WDR19: variants seen among roughly 807,000 people sequenced by gnomAD.
The protein encoded by WDR19 is WD repeat-containing protein 19.
Under a neutral mutation model 180.0 loss-of-function variants are expected in WDR19, and 121 were observed. The ratio of observed to expected loss-of-function variants is 0.67; its 90% CI spans 0.58 to 0.78. WDR19 has a LOEUF of 0.78. Among genes scored for constraint, WDR19 ranks in the 30% least tolerant of loss-of-function variants. The probability of loss-of-function intolerance (pLI) is 0.00; values close to 1 mark genes in which losing one functional copy is unlikely to be tolerated. For synonymous variants in WDR19, 497 were observed against 540.7 expected (o/e 0.92, Z 1.12); for missense variants, 1,450 against 1,640.7 (o/e 0.88, Z 2.01).
rs1727812705 is a variant in WDR19 at position 39,205,143 on chromosome 4, T to C, written c.604-11T>C. 6.4e-7 allele frequency: 1 copy of C among 1,559,214 alleles called. No homozygotes were observed. The highest frequency in any genetic ancestry group is 1.4e-5 in the African/African-American group (1 of 73,760). The stretch of plus-strand genomic sequence containing the variant: ...TAACTCATTTCACAATCTCCTAATC[T>C]TTTCTGGCAGATAAGTGTGGTGCTT... On this transcript the variant is annotated splice_polypyrimidine_tract_variant and intron_variant, in intron 7 of 36. Transcript: ENST00000399820.
chr4:39,199,661 C>A, intron 6 of WDR19, 68 bp downstream of exon 6: 1 of 1,273,560 alleles, frequency 7.9e-7, no homozygotes, highest in South Asian at 1.3e-5. Context: ...GTTTGTCTGT[C>A]AAACTAATCT....
intron 19 of WDR19, among the ~76,000 whole-genome samples, chr4:39,232,503 T>C (rs1488907630): frequency 2.0e-5 from 3 of 152,122 alleles, no homozygotes; most frequent in Non-Finnish European, 1.5e-5. Context: ...CATGTGCCTG[T>C]AATCCCAGCT....
At chr4:39,240,733 C>CCT (rs1300241882) in intron 21 of WDR19, among the ~76,000 whole-genome samples, 3 of 151,826 alleles carry the variant, frequency 2.0e-5, no homozygotes, top group African/African-American at 7.3e-5. Flanking sequence ...GGGCGGATCA[C>CCT]AAGGTCAGGA....
chr4:39,263,543 G>T (rs1734502265), intron 28 of WDR19, among the ~76,000 whole-genome samples: 1 of 151,960 alleles, frequency 6.6e-6, no homozygotes, highest in Non-Finnish European at 1.5e-5. Context: ...TCTATTCCCT[G>T]CTGGCTCTCC....
chr4:39,228,765 C>A, intron 17 of WDR19, 75 bp downstream of exon 17: 1 of 1,398,482 alleles, frequency 7.2e-7, no homozygotes, highest in Non-Finnish European at 9.5e-7. Flanking sequence ...TATAATTATT[C>A]TATCTTATTT....
At chr4:39,267,295 A>G (rs1734910671) in intron 29 of WDR19, among the ~76,000 whole-genome samples, 2 of 152,170 alleles carry the variant, frequency 1.3e-5, no homozygotes, top group Non-Finnish European at 2.9e-5. Flanking sequence ...CGAGGGCAAT[A>G]GAATGTCACA....
In WDR19 at chr4:39,278,551, T is replaced by G; in HGVS notation, c.3930T>G (p.Thr1310=). ...CTCCCCTAAACAGCATGCTAAACAC[T>G]GAAAGCACATGTCCTATGTGTTCAG... ...LYSELKIMLN[T]ESTCPMCSER... is the part of the protein sequence containing the mutation. The change falls in exon 36 of 37, where the codon ACT becomes ACG. Residue 1310 remains threonine, a synonymous_variant. Coordinates refer to ENST00000399820, the MANE Select transcript of WDR19 (RefSeq NM_025132.4). 6.2e-7 allele frequency: 1 copy of G among 1,612,398 alleles called. No individual in the cohort carries two copies. Among genetic ancestry groups the G allele is most frequent in the South Asian group, 1.1e-5 (1 of 90,862 alleles).
intron 30 of WDR19, among the ~76,000 whole-genome samples, 196 bp from the exon 31 acceptor site, chr4:39,269,780 G>T (rs1735164031): frequency 6.6e-6 from 1 of 152,150 alleles, no homozygotes; most frequent in Non-Finnish European, 1.5e-5. Context: ...CTCCAGCCTT[G>T]GTGACAGAGC....
chr4:39,202,647 A>G (rs1727484354), intron 6 of WDR19, among the ~76,000 whole-genome samples: 1 of 152,030 alleles, frequency 6.6e-6, no homozygotes, highest in Non-Finnish European at 1.5e-5. Context: ...CTAGGGTTCT[A>G]CCCTTCAGAT....
chr4:39,267,047 C>T (rs1734872295), intron 29 of WDR19, among the ~76,000 whole-genome samples: 1 of 152,234 alleles, frequency 6.6e-6, no homozygotes, highest in Non-Finnish European at 1.5e-5. Context: ...TGTGCCACTG[C>T]ACTCCAGCCT....
intron 30 of WDR19, among the ~76,000 whole-genome samples, chr4:39,268,945 A>G (rs1735071908): frequency 6.6e-6 from 1 of 152,134 alleles, no homozygotes; most frequent in African/African-American, 2.4e-5. Context: ...GGAGAGTTGG[A>G]GGATGGAGAC....
At chr4:39,272,130 C>T (rs1229634556) in intron 31 of WDR19, among the ~76,000 whole-genome samples, 2 of 152,156 alleles carry the variant, frequency 1.3e-5, no homozygotes, top group Admixed American at 6.5e-5. Flanking sequence ...AAGTCTTTCT[C>T]AGCTGCAGAC....
chr4:39,229,867 G>C (rs1013338665), intron 17 of WDR19, among the ~76,000 whole-genome samples: 8 of 151,980 alleles, frequency 5.3e-5, no homozygotes, highest in African/African-American at 1.9e-4. Context: ...ATTTCCACAG[G>C]CCCCTATTTT....
chr4:39,226,989 C>T (rs1475273046), intron 15 of WDR19, among the ~76,000 whole-genome samples: 4 of 152,096 alleles, frequency 2.6e-5, no homozygotes, highest in Non-Finnish European at 5.9e-5. Flanking sequence ...ACTTAATAAT[C>T]GCGATTCTGA....
At chr4:39,252,059 G>T (rs911594740) in intron 24 of WDR19, among the ~76,000 whole-genome samples, 29 of 152,044 alleles carry the variant, frequency 1.9e-4, no homozygotes, top group African/African-American at 6.3e-4. Context: ...ACATGCACAC[G>T]TATGTTTATT....
intron 24 of WDR19, among the ~76,000 whole-genome samples, chr4:39,252,654 A>T (rs1248527248): frequency 6.6e-6 from 1 of 152,164 alleles, no homozygotes; most frequent in East Asian, 1.9e-4. Flanking sequence ...AAGTAACCTT[A>T]GGAAATAGAG....
rs1297312397 is a variant in WDR19 at position 39,244,495 on chromosome 4, A to G, written c.2588A>G (p.Tyr863Cys). The change falls in exon 23 of 37, where the codon TAT (tyrosine) becomes TGT (cysteine). Residue 863 changes from tyrosine to cysteine, a missense_variant. Tyr to Cys is a radical substitution (Grantham distance 194, BLOSUM62 -2). Coordinates refer to ENST00000399820, the MANE Select transcript of WDR19 (RefSeq NM_025132.4). Reference sequence around the variant, plus strand: ...CAATTTTCAGAAGCGGCCCAACTGTATGAAAAAGGTCTCTACTACGATAAA... The same window carrying G: ...CAATTTTCAGAAGCGGCCCAACTGTGTGAAAAAGGTCTCTACTACGATAAA... Reference protein sequence around the residue: ...MKQFSEAAQLYEKGLYYDKAA... With the variant: ...MKQFSEAAQLCEKGLYYDKAA... 2 of 1,613,910 alleles carry G rather than the reference A, an allele frequency of 1.2e-6. No homozygotes were observed. The highest frequency in any genetic ancestry group is 8.5e-7 in the Non-Finnish European group (1 of 1,179,904).
At chr4:39,250,975 C>T (rs1733105401) in intron 24 of WDR19, among the ~76,000 whole-genome samples, 1 of 152,164 alleles carries the variant, frequency 6.6e-6, no homozygotes, top group African/African-American at 2.4e-5. Context: ...ATCAAGCTAC[C>T]AATGACTTTC....
intron 28 of WDR19, among the ~76,000 whole-genome samples, chr4:39,259,016 C>T (rs1251811115): frequency 2.6e-5 from 4 of 151,982 alleles, no homozygotes; most frequent in African/African-American, 9.7e-5. Flanking sequence ...TGTAGTGGGC[C>T]GAGACTGTGC....
Sources: gnomAD v4.1 joint callset for allele counts (sites outside exome capture counted in the v4.1 genomes callset) on GRCh38, gnomAD v4.1.1 for gene constraint, MANE v1.5 for transcripts, NCBI Gene and HGNC (gene_info 2026-07-23, HGNC 2026-07-21) for gene names.